Variants in TRIM37 observed in about 807,000 individuals in gnomAD.
TRIM37 encodes the protein E3 ubiquitin-protein ligase TRIM37.
In TRIM37, 80 loss-of-function variants were observed where a neutral mutation model predicts 129.8. The observed-to-expected ratio is 0.62, with a 90% CI of 0.51 to 0.74. The LOEUF is 0.74. TRIM37 is among the 30% of genes least tolerant of loss of function. The probability of loss-of-function intolerance (pLI) is 0.00; values close to 1 mark genes in which losing one functional copy is unlikely to be tolerated. For missense variants in TRIM37, 1,054 were observed against 1,176.5 expected, an observed-to-expected ratio of 0.90 and a Z score of 1.52; for synonymous variants, 389 against 387.1, an observed-to-expected ratio of 1.00 and a Z score of -0.06.
At chr17:59,042,446 A>T (rs1436347509) in intron 16 of TRIM37, among the ~76,000 whole-genome samples, 3 of 44,728 alleles carry the variant, frequency 6.7e-5, no homozygotes, top group South Asian at 7.9e-4. Flanking sequence ...AAAAAAAAAA[A>T]AAAATATATA....
At chr17:59,043,924 A>C (rs1312820011) in intron 16 of TRIM37, among the ~76,000 whole-genome samples, 1 of 152,228 alleles carries the variant, frequency 6.6e-6, no homozygotes, top group Non-Finnish European at 1.5e-5. Context: ...AACACTATTA[A>C]GAGCATCAAC....
At chr17:58,971,795 G>C in the TRIM37 span, among the ~76,000 whole-genome samples, 6 of 152,274 alleles carry the variant, frequency 3.9e-5, no homozygotes, top group East Asian at 1.2e-3. Flanking sequence ...TTGACTGGGA[G>C]GAAAAAGAAT....
At chr17:58,976,833 A>G in the TRIM37 span, among the ~76,000 whole-genome samples, 1 of 152,136 alleles carries the variant, frequency 6.6e-6, no homozygotes, top group African/African-American at 2.4e-5. Flanking sequence ...TGAAGCACTA[A>G]AACAAGATTT....
At chr17:59,093,926 A>G (rs908129277) in intron 2 of TRIM37, among the ~76,000 whole-genome samples, 1 of 151,376 alleles carries the variant, frequency 6.6e-6, no homozygotes, top group African/African-American at 2.4e-5. Flanking sequence ...ACAGAGTCTC[A>G]CTCCCTCCCC....
chr17:59,009,909 G>A (rs1050396714), intron 22 of TRIM37, among the ~76,000 whole-genome samples: 3 of 152,180 alleles, frequency 2.0e-5, no homozygotes, highest in Non-Finnish European at 4.4e-5. Context: ...TAAGAACTTA[G>A]TATTACTATT....
intron 13 of TRIM37, among the ~76,000 whole-genome samples, chr17:59,056,556 C>T (rs563656939): frequency 4.0e-5 from 6 of 151,240 alleles, no homozygotes; most frequent in Middle Eastern, 3.4e-3. Flanking sequence ...AGTGAAACCC[C>T]GTCTCTACTA....
At position 59,049,248 on chromosome 17, in the gene TRIM37, G is replaced by C. The variant is rs1268839424; in HGVS notation, c.1460C>G (p.Thr487Ser). ...TTTGGCCTCTCTTACAGAAGCTGTA[G>C]TAGGACCACCTTCGAGAAGCATGTC... ...CSDMLLEGGPTTASVREAKED... is the reference protein window; with the variant it reads ...CSDMLLEGGPSTASVREAKED... The change falls in exon 15 of 24, where the codon ACT (threonine) becomes AGT (serine). Residue 487 changes from threonine to serine, a missense_variant. This residue lies in a region of TRIM37 where 752 missense variants were observed against 870.8 expected (regional missense o/e 0.86). Transcript: ENST00000262294. 4 of 1,614,006 alleles carry C rather than the reference G, an allele frequency of 2.5e-6. No homozygotes were observed. Among genetic ancestry groups the C allele is most frequent in the Non-Finnish European group, 3.4e-6 (4 of 1,180,022 alleles).
At chr17:58,991,462 G>C (rs2032399285) in intron 24 of TRIM37, among the ~76,000 whole-genome samples, 1 of 152,084 alleles carries the variant, frequency 6.6e-6, no homozygotes, top group African/African-American at 2.4e-5. Flanking sequence ...CTTCAACCTG[G>C]GAGGTGGAGG....
chr17:59,058,448 G>A (rs1383985718), intron 12 of TRIM37, among the ~76,000 whole-genome samples: 1 of 152,088 alleles, frequency 6.6e-6, no homozygotes, highest in East Asian at 1.9e-4. Flanking sequence ...CTTAATTCCT[G>A]GGTGATGAAA....
At chr17:59,033,785 A>G (rs1865919960) in intron 17 of TRIM37, among the ~76,000 whole-genome samples, 1 of 151,316 alleles carries the variant, frequency 6.6e-6, no homozygotes, top group African/African-American at 2.4e-5. Flanking sequence ...CAGCTGAAGG[A>G]GTTTTTAAAA....
At chr17:59,086,490 C>T (rs766819134) in intron 4 of TRIM37, among the ~76,000 whole-genome samples, 18 of 152,248 alleles carry the variant, frequency 1.2e-4, no homozygotes, top group African/African-American at 1.7e-4. Context: ...CCACCCACCC[C>T]GGCCTCCCAA....
In TRIM37 at chr17:59,089,186, T is replaced by G. The variant is rs189568636; in HGVS notation, c.165-779A>C. Among the ~76,000 whole-genome samples, 264 of 152,214 alleles carry G rather than the reference T, an allele frequency of 1.7e-3. 2 individuals carry two copies. Among genetic ancestry groups the G allele is most frequent in the Non-Finnish European group, 9.6e-4 (65 of 67,986 alleles). On this transcript the variant is annotated intron_variant, in intron 3 of 23. Transcript: ENST00000262294. ...GGAGGACCACATGAGCCAGGGAGAT[T>G]GAGGCTGCAGTGAGCCAAGATCATG...
chr17:58,971,070 G>A, the TRIM37 span, among the ~76,000 whole-genome samples: 1 of 152,008 alleles, frequency 6.6e-6, no homozygotes, highest in African/African-American at 2.4e-5. Flanking sequence ...ATTTAGGTTT[G>A]TCTCAGCGCC....
intron 13 of TRIM37, among the ~76,000 whole-genome samples, chr17:59,052,170 T>C (rs2040414092): frequency 6.7e-6 from 1 of 149,772 alleles, no homozygotes; most frequent in African/African-American, 2.5e-5. Context: ...ATCGTATTAA[T>C]ATATAAATGA....
chr17:59,101,655 C>CAAAAA (rs763661189), intron 2 of TRIM37, among the ~76,000 whole-genome samples: 16 of 58,750 alleles, frequency 2.7e-4, no homozygotes, highest in African/African-American at 6.8e-4. Context: ...CCCATCTCTA[C>CAAAAA]AAAAAAAAAA....
At chr17:59,042,141 C>G (rs550580595) in intron 16 of TRIM37, among the ~76,000 whole-genome samples, 1 of 151,816 alleles carries the variant, frequency 6.6e-6, no homozygotes, top group Non-Finnish European at 1.5e-5. Flanking sequence ...CTTTGGGAGG[C>G]TGAGGCAGGC....
At chr17:59,083,451 T>G (rs534272643) in intron 5 of TRIM37, among the ~76,000 whole-genome samples, 136 of 149,444 alleles carry the variant, frequency 9.1e-4, no homozygotes, top group African/African-American at 3.2e-3. Flanking sequence ...AAAAAAAAAG[T>G]ATTCAGTAAA....
At chr17:59,011,450 T>C (rs554062877) in intron 22 of TRIM37, among the ~76,000 whole-genome samples, 26 of 152,306 alleles carry the variant, frequency 1.7e-4, no homozygotes, top group South Asian at 1.0e-3. Context: ...CACCTGTATG[T>C]ATGCTTTGAG....
chr17:58,978,610 C>A, downstream of TRIM37, among the ~76,000 whole-genome samples: 1 of 152,092 alleles, frequency 6.6e-6, no homozygotes, highest in East Asian at 1.9e-4. Context: ...ACTCCGGAGG[C>A]GGAGGCAGGA....
Sources: gnomAD v4.1 joint callset for allele counts (sites outside exome capture counted in the v4.1 genomes callset) on GRCh38, gnomAD v4.1.1 for gene constraint, gnomAD v4.1.1 regional missense constraint, MANE v1.5 for transcripts, NCBI Gene and HGNC (gene_info 2026-07-23, HGNC 2026-07-21) for gene names.